CNTN4: variants seen among roughly 807,000 people sequenced by gnomAD.
The protein encoded by CNTN4 is contactin 4.
Under a neutral mutation model 122.5 loss-of-function variants are expected in CNTN4, and 77 were observed. That is an observed-to-expected ratio of 0.63 (90% confidence interval 0.52 to 0.76). CNTN4 has a LOEUF of 0.76. Ranked by LOEUF, CNTN4 falls within the 30% of genes least tolerant of loss-of-function variation. The pLI, the probability that CNTN4 is intolerant of heterozygous loss-of-function variation, is 0.00. For missense variants in CNTN4, 1,256 were observed against 1,259.1 expected, an observed-to-expected ratio of 1.00 and a Z score of 0.04; for synonymous variants, 512 against 447.0, an observed-to-expected ratio of 1.15 and a Z score of -1.83.
intron 11 of CNTN4, among the ~76,000 whole-genome samples, chr3:2,901,433 A>G (rs1258698921): frequency 6.6e-6 from 1 of 152,112 alleles, no homozygotes; most frequent in Non-Finnish European, 1.5e-5. Flanking sequence ...CCTCACATGA[A>G]TTTACATGAC....
intron 13 of CNTN4, among the ~76,000 whole-genome samples, chr3:2,952,733 T>C (rs1051373085): frequency 2.0e-5 from 3 of 152,216 alleles, no homozygotes; most frequent in African/African-American, 7.2e-5. Context: ...CAGTTCAGTT[T>C]CTTCTTTAGA....
chr3:2,303,173 G>A (rs989080109), intron 2 of CNTN4, among the ~76,000 whole-genome samples: 2 of 152,238 alleles, frequency 1.3e-5, no homozygotes, highest in African/African-American at 4.8e-5. Flanking sequence ...GAGCCATGGC[G>A]TAAATCTGTG....
chr3:2,784,612 A>G (rs1404749822), intron 6 of CNTN4, among the ~76,000 whole-genome samples: 3 of 149,758 alleles, frequency 2.0e-5, no homozygotes, highest in Non-Finnish European at 4.4e-5. Context: ...CACTGAAAGA[A>G]CATCAAGCTG....
chr3:2,386,008 A>G (rs2046243362), intron 3 of CNTN4, among the ~76,000 whole-genome samples: 1 of 152,094 alleles, frequency 6.6e-6, no homozygotes, highest in African/African-American at 2.4e-5. Context: ...TTCATTTTAT[A>G]GGAATTACGT....
At position 2,850,005 on chromosome 3, in the gene CNTN4, T is replaced by C. The variant is rs576365375; in HGVS notation, c.455-16747T>C. Among the ~76,000 whole-genome samples, 667 of 151,764 alleles carry C rather than the reference T, an allele frequency of 4.4e-3. 8 individuals carry two copies. Among genetic ancestry groups the C allele is most frequent in the African/African-American group, 0.015 (615 of 41,318 alleles). On this transcript the variant is annotated intron_variant, in intron 7 of 24. Transcript: ENST00000418658. ...CAATCACTTTTTTTTCTTTTTTTTT[T>C]CTGAGACGGAGTCTTGCTCTGTGGC... is the stretch of plus-strand genomic sequence containing the variant.
At chr3:2,719,192 A>G (rs981135363) in intron 4 of CNTN4, among the ~76,000 whole-genome samples, 1 of 152,352 alleles carries the variant, frequency 6.6e-6, no homozygotes, top group Admixed American at 6.5e-5. Flanking sequence ...GTACTCAGAA[A>G]ACATTTGTTG....
intron 3 of CNTN4, among the ~76,000 whole-genome samples, chr3:2,478,545 C>T (rs1036802267): frequency 2.6e-5 from 4 of 152,060 alleles, no homozygotes; most frequent in Non-Finnish European, 5.9e-5. Flanking sequence ...CTAAGCCCGG[C>T]ATCAGTTAGC....
chr3:2,231,239 T>C (rs2039475346), intron 2 of CNTN4, among the ~76,000 whole-genome samples: 1 of 152,146 alleles, frequency 6.6e-6, no homozygotes, highest in Non-Finnish European at 1.5e-5. Context: ...AAATACTCAA[T>C]AGTCACATCT....
At chr3:2,313,138 CAA>C (rs1336348690) in intron 2 of CNTN4, among the ~76,000 whole-genome samples, 1 of 151,376 alleles carries the variant, frequency 6.6e-6, no homozygotes, top group Non-Finnish European at 1.5e-5. Context: ...GAAATAGAAA[CAA>C]AAAATAGAAA....
chr3:2,520,540 C>T (rs1181168625), intron 3 of CNTN4, among the ~76,000 whole-genome samples: 1 of 151,880 alleles, frequency 6.6e-6, no homozygotes, highest in East Asian at 1.9e-4. Context: ...TCCCAAAATG[C>T]TAAGATTACA....
intron 2 of CNTN4, among the ~76,000 whole-genome samples, chr3:2,287,438 C>CA (rs962001741): frequency 1.5e-4 from 23 of 151,764 alleles, no homozygotes; most frequent in Middle Eastern, 3.4e-3. Flanking sequence ...CTCATCTCTA[C>CA]AAAAATCACC....
At chr3:2,368,483 C>G (rs979909111) in intron 3 of CNTN4, among the ~76,000 whole-genome samples, 1 of 152,104 alleles carries the variant, frequency 6.6e-6, no homozygotes, top group Non-Finnish European at 1.5e-5. Context: ...TTTACCTATC[C>G]TATGTGCAAG....
At chr3:2,711,753 T>C (rs1288305555) in intron 4 of CNTN4, among the ~76,000 whole-genome samples, 1 of 152,158 alleles carries the variant, frequency 6.6e-6, no homozygotes, top group Admixed American at 6.5e-5. Flanking sequence ...CAGGCAATAC[T>C]CATAGTAAAA....
intron 2 of CNTN4, among the ~76,000 whole-genome samples, chr3:2,276,598 C>T (rs2041519667): frequency 6.6e-6 from 1 of 152,116 alleles, no homozygotes; most frequent in South Asian, 2.1e-4. Context: ...GCAAGTAGTT[C>T]TCAATAAATA....
At chr3:2,824,878 A>G (rs924468796) in intron 7 of CNTN4, among the ~76,000 whole-genome samples, 8 of 151,962 alleles carry the variant, frequency 5.3e-5, no homozygotes, top group African/African-American at 1.9e-4. Flanking sequence ...GGCCAGGCTG[A>G]TCTCAAACTC....
chr3:2,403,139 C>T (rs117071925), intron 3 of CNTN4, among the ~76,000 whole-genome samples: 1 of 152,088 alleles, frequency 6.6e-6, no homozygotes, highest in East Asian at 1.9e-4. Flanking sequence ...TCTGCTTAAA[C>T]CTTCTCTCTA....
chr3:2,112,793 A>C (rs1413845122), intron 2 of CNTN4, among the ~76,000 whole-genome samples: 2 of 152,106 alleles, frequency 1.3e-5, no homozygotes, highest in African/African-American at 4.8e-5. Flanking sequence ...GTAAGTTACT[A>C]AGCTAACTCA....
chr3:2,470,399 G>C (rs944192722), intron 3 of CNTN4, among the ~76,000 whole-genome samples: 1 of 152,002 alleles, frequency 6.6e-6, no homozygotes, highest in Admixed American at 6.6e-5. Context: ...TATAAAACAG[G>C]GTTATTGGAT....
rs564446176 is a variant in CNTN4 at position 2,246,556 on chromosome 3, T to TG, written c.-144-92621dup. On this transcript the variant is annotated intron_variant, in intron 2 of 24. Transcript: ENST00000418658. ...TTTAACTCGGGAATTAGTTTGAAGT[T>TG]GCAGAATTGTTAGTAAATGTAGTAT... Among the ~76,000 whole-genome samples the TG allele has an allele frequency of 9.9e-4, 151 of 152,144 alleles. 1 individual carries two copies. The highest frequency in any genetic ancestry group is 3.5e-3 in the African/African-American group (146 of 41,544).
Sources: allele counts gnomAD v4.1 joint callset (sites outside exome capture counted in the v4.1 genomes callset), GRCh38; gene constraint gnomAD v4.1.1; transcripts MANE v1.5; gene names NCBI Gene and HGNC (gene_info 2026-07-23, HGNC 2026-07-21).